ARMH1: variants seen among roughly 807,000 people sequenced by gnomAD.
The protein encoded by ARMH1 is armadillo like helical domain containing 1, also known as armadillo-like helical domain containing protein 1.
A neutral mutation model predicts 50.2 loss-of-function variants in ARMH1; 34 were observed. The observed-to-expected ratio is 0.68, with a 90% CI of 0.51 to 0.90. ARMH1 has a LOEUF of 0.90. Among genes scored for constraint, ARMH1 ranks in the 40% least tolerant of loss-of-function variants. ARMH1 has a pLI of 0.00. For synonymous variants in ARMH1, 221 were observed against 224.2 expected (o/e 0.99, Z 0.13); for missense variants, 538 against 553.9 (o/e 0.97, Z 0.29).
intron 6 of ARMH1, among the ~76,000 whole-genome samples, chr1:44,709,574 A>C (rs931318738): frequency 1.3e-5 from 2 of 151,940 alleles, no homozygotes; most frequent in African/African-American, 2.4e-5. Context: ...CGGGAGGCTG[A>C]GGCAGGAGAA....
intron 1 of ARMH1, among the ~76,000 whole-genome samples, chr1:44,680,996 C>CTTTT: frequency 7.2e-6 from 1 of 138,924 alleles, no homozygotes; most frequent in Non-Finnish European, 1.5e-5. Context: ...TTCCGATCCC[C>CTTTT]TTTTTTTTTT....
chr1:44,725,078 A>C (rs556250455), intron 10 of ARMH1, 58 bp from the exon 11 acceptor site: 17 of 1,548,686 alleles, frequency 1.1e-5, no homozygotes, highest in Non-Finnish European at 1.5e-5. Flanking sequence ...GCCAAGCCCA[A>C]CTCCAAGTCC....
chr1:44,689,957 C>T (rs1276918731), intron 2 of ARMH1, 54 bp downstream of exon 2: 69 of 1,478,778 alleles, frequency 4.7e-5, no homozygotes, highest in South Asian at 8.6e-5. Context: ...CGGTGGCTCA[C>T]GCCTGTAATC....
chr1:44,721,921 C>T (rs1311118843), intron 6 of ARMH1: 3 of 152,320 alleles, frequency 2.0e-5, no homozygotes, highest in African/African-American at 4.8e-5. Flanking sequence ...AGCCTTTTGC[C>T]TGGCTTCCCA....
chr1:44,706,009 A>G (rs777578779), intron 6 of ARMH1, among the ~76,000 whole-genome samples: 1 of 152,160 alleles, frequency 6.6e-6, no homozygotes, highest in Non-Finnish European at 1.5e-5. Context: ...GTAAAGGTCT[A>G]TGTCTAGGAA....
chr1:44,699,823 T>C (rs1645980838), intron 4 of ARMH1, among the ~76,000 whole-genome samples: 1 of 150,618 alleles, frequency 6.6e-6, no homozygotes, highest in Non-Finnish European at 1.5e-5. Flanking sequence ...TTTTTCCTTT[T>C]CTTTTTCTAT....
At chr1:44,720,627 A>G (rs780233731) in intron 6 of ARMH1, among the ~76,000 whole-genome samples, 1 of 152,202 alleles carries the variant, frequency 6.6e-6, no homozygotes, top group East Asian at 1.9e-4. Flanking sequence ...TCAGAGACAT[A>G]GGACATCTAC....
intron 1 of ARMH1, among the ~76,000 whole-genome samples, chr1:44,687,827 T>C (rs549629406): frequency 2.0e-5 from 3 of 152,288 alleles, no homozygotes; most frequent in African/African-American, 7.2e-5. Flanking sequence ...TCAAAGAAGA[T>C]AGGGGAGACT....
At chr1:44,685,159 T>G (rs7549471) in intron 1 of ARMH1, among the ~76,000 whole-genome samples, 5,074 of 152,104 alleles carry the variant, frequency 0.033, 292 homozygotes, top group African/African-American at 0.12. Flanking sequence ...TATAGTAAAT[T>G]AAAAAAGACC....
intron 1 of ARMH1, among the ~76,000 whole-genome samples, chr1:44,688,494 T>C (rs77951331): frequency 0.023 from 3,431 of 152,354 alleles, 134 homozygotes; most frequent in African/African-American, 0.08. Flanking sequence ...GGCGAAGATG[T>C]AGAAGCACTT....
intron 5 of ARMH1, among the ~76,000 whole-genome samples, chr1:44,701,542 G>A (rs181756320): frequency 5.9e-5 from 9 of 151,434 alleles, no homozygotes; most frequent in African/African-American, 1.5e-4. Context: ...CAGTACCCTC[G>A]GATGCAAGTG....
chr1:44,708,095 G>C (rs891921710), intron 6 of ARMH1, among the ~76,000 whole-genome samples: 2 of 152,248 alleles, frequency 1.3e-5, no homozygotes, highest in African/African-American at 4.8e-5. Flanking sequence ...CACATGGTCA[G>C]AGTAGACGGG....
At chr1:44,721,824 A>T (rs1047009706) in intron 6 of ARMH1, 1 of 152,118 alleles carries the variant, frequency 6.6e-6, no homozygotes, top group Non-Finnish European at 1.5e-5. Context: ...TTTAACCATA[A>T]ACTCATAGTT....
chr1:44,677,083 T>C (rs755886087), intron 1 of ARMH1, among the ~76,000 whole-genome samples: 6 of 152,172 alleles, frequency 3.9e-5, no homozygotes, highest in Non-Finnish European at 8.8e-5. Context: ...ATGGTTTCCA[T>C]TTTCTCTGTC....
At chr1:44,680,110 G>A (rs1262242271) in intron 1 of ARMH1, among the ~76,000 whole-genome samples, 2 of 152,260 alleles carry the variant, frequency 1.3e-5, no homozygotes, top group Admixed American at 1.3e-4. Flanking sequence ...GGGGAGTTGA[G>A]AGTGCAAGGT....
At chr1:44,725,262 A>G in intron 11 of ARMH1, 29 bp from the exon 12 acceptor site, 1 of 1,551,766 alleles carries the variant, frequency 6.4e-7, no homozygotes, top group Non-Finnish European at 8.7e-7. Context: ...CCGCCAGCAC[A>G]GCCTCACGCC....
In ARMH1 at chr1:44,681,289, C is replaced by G. The variant is rs1048069912; in HGVS notation, c.-23+6416C>G. ...GGATTACAAGCGTGAGCCACTGCGC[C>G]CGGCCGTGAGGCTCCATTTCTAAAA... On this transcript the variant is annotated intron_variant, in intron 1 of 11. Coordinates refer to ENST00000535358, the MANE Select transcript of ARMH1 (RefSeq NM_001145636.2). The surrounding 1 kb of genome is among the most constrained non-coding windows in gnomAD (Gnocchi z 4.3). Among the ~76,000 whole-genome samples the G allele has an allele frequency of 1.3e-5, 2 of 152,118 alleles. No individual in the cohort carries two copies. Among genetic ancestry groups the G allele is most frequent in the Non-Finnish European group, 2.9e-5 (2 of 68,022 alleles).
intron 6 of ARMH1, among the ~76,000 whole-genome samples, chr1:44,708,160 C>T (rs537337830): frequency 3.9e-5 from 6 of 152,272 alleles, no homozygotes; most frequent in Admixed American, 1.3e-4. Flanking sequence ...AAACTCCGCC[C>T]GAGGGAGGGA....
intron 6 of ARMH1, chr1:44,721,642 T>G (rs989395473): frequency 6.6e-6 from 1 of 152,086 alleles, no homozygotes; most frequent in South Asian, 2.1e-4. Context: ...GGTGGGAGGA[T>G]TGCTTGAGCA....
Sources: gnomAD v4.1 joint callset for allele counts (sites outside exome capture counted in the v4.1 genomes callset) on GRCh38, gnomAD v4.1.1 for gene constraint, Gnocchi (gnomAD v3.1) non-coding constraint, MANE v1.5 for transcripts, NCBI Gene and HGNC (gene_info 2026-07-23, HGNC 2026-07-21) for gene names.